TCEA3: variants seen among roughly 807,000 people sequenced by gnomAD.
TCEA3 encodes the protein transcription elongation factor A3.
In TCEA3, 36 loss-of-function variants were observed where a neutral mutation model predicts 44.0. The ratio of observed to expected loss-of-function variants is 0.82; its 90% CI spans 0.63 to 1.08. The LOEUF is 1.08. TCEA3 is among the 50% of genes least tolerant of loss of function. The pLI, the probability that TCEA3 is intolerant of heterozygous loss-of-function variation, is 0.00. For missense variants in TCEA3, 392 were observed against 441.2 expected, an observed-to-expected ratio of 0.89 and a Z score of 1.00; for synonymous variants, 162 against 159.7, an observed-to-expected ratio of 1.01 and a Z score of -0.11.
intron 4 of TCEA3, among the ~76,000 whole-genome samples, chr1:23,409,168 G>A (rs1639639602): frequency 6.6e-6 from 1 of 152,140 alleles, no homozygotes; most frequent in Non-Finnish European, 1.5e-5. Flanking sequence ...AGGAGGAGGA[G>A]AGGAGAAACA....
chr1:23,414,753 A>G (rs1365987344), intron 4 of TCEA3, among the ~76,000 whole-genome samples: 1 of 152,224 alleles, frequency 6.6e-6, no homozygotes, highest in Non-Finnish European at 1.5e-5. Context: ...GCAAGTAATT[A>G]TCTGTATTAT....
Position 23,387,344 on chromosome 1 carries a change from T to A in TCEA3, c.895A>T (p.Lys299Ter). The A allele has an allele frequency of 6.2e-7, 1 of 1,613,820 alleles. No individual in the cohort carries two copies. Among genetic ancestry groups the A allele is most frequent in the African/African-American group, 1.3e-5 (1 of 75,052 alleles). Residue 299 changes from lysine (K) to a stop codon, truncating the protein, a stop_gained, in exon 9 of 11, where the codon AAG (lysine) becomes TAG (stop). Transcript: ENST00000450454. LOFTEE classifies it high-confidence loss of function. ...AGGTCAGTGGTGGTGCCGCCAGTCT[T>A]GGCCATCTGGTGCTCACGGATGGCC... ...QEAIREHQMA[K>*]TGGTTTDLFQ...
At chr1:23,382,661 C>T (rs1638699577) in intron 10 of TCEA3, among the ~76,000 whole-genome samples, 1 of 152,200 alleles carries the variant, frequency 6.6e-6, no homozygotes, top group African/African-American at 2.4e-5. Flanking sequence ...CTCAGAGGCT[C>T]TGTTAATGCT....
chr1:23,383,207 G>A (rs925301847), intron 10 of TCEA3, among the ~76,000 whole-genome samples: 1 of 151,914 alleles, frequency 6.6e-6, no homozygotes, highest in South Asian at 2.1e-4. Flanking sequence ...GTGAACCTGG[G>A]GGGTGGAGCT....
At chr1:23,412,357 G>A (rs9660667) in intron 4 of TCEA3, among the ~76,000 whole-genome samples, 5,694 of 147,136 alleles carry the variant, frequency 0.039, 308 homozygotes, top group East Asian at 0.23. Flanking sequence ...CTGTGATTGC[G>A]CCACTGCACT....
rs146379709 is a variant in TCEA3, at chr1:23,390,905, G to A, written c.819+2974C>T. On this transcript the variant is annotated intron_variant, in intron 8 of 10. Coordinates refer to ENST00000450454, the MANE Select transcript of TCEA3 (RefSeq NM_003196.3). ...CAGGATGCTATGTCCACTCAGCAGCGCTCATGGGTATCTCAGAGCCTACTC... is the reference window on the plus strand; with the variant it reads ...CAGGATGCTATGTCCACTCAGCAGCACTCATGGGTATCTCAGAGCCTACTC... Among the ~76,000 whole-genome samples, 13 of 152,146 alleles carry A rather than the reference G, an allele frequency of 8.5e-5. No homozygotes were observed. The East Asian group carries it at 1.5e-3, about 18-fold the overall frequency.
intron 4 of TCEA3, among the ~76,000 whole-genome samples, chr1:23,416,808 T>C (rs1442948091): frequency 2.0e-5 from 3 of 152,196 alleles, no homozygotes; most frequent in Non-Finnish European, 4.4e-5. Flanking sequence ...ATCTTATAAG[T>C]GGCTATTGCC....
chr1:23,398,754 T>C (rs1385528671), intron 5 of TCEA3, among the ~76,000 whole-genome samples: 5 of 152,034 alleles, frequency 3.3e-5, no homozygotes, highest in African/African-American at 9.7e-5. Flanking sequence ...TCTATGCTCT[T>C]TTTATTAATT....
At chr1:23,390,799 C>T (rs567731014) in intron 8 of TCEA3, among the ~76,000 whole-genome samples, 2 of 152,098 alleles carry the variant, frequency 1.3e-5, no homozygotes, top group South Asian at 2.1e-4. Context: ...CAATTCTATC[C>T]CTATTTGTTG....
chr1:23,383,010 C>T (rs112406308), intron 10 of TCEA3, among the ~76,000 whole-genome samples: 7,079 of 152,252 alleles, frequency 0.046, 437 homozygotes, highest in African/African-American at 0.14. Flanking sequence ...CCGGGCGCGG[C>T]GGCTCACGCC....
At chr1:23,394,389 G>C (rs1467228727) in intron 7 of TCEA3, among the ~76,000 whole-genome samples, 7 of 152,126 alleles carry the variant, frequency 4.6e-5, no homozygotes, top group Admixed American at 4.6e-4. Flanking sequence ...AGGATTCTGT[G>C]AGCTAAGCCA....
At chr1:23,404,108 G>T in intron 5 of TCEA3, 1 of 702,366 alleles carries the variant, frequency 1.4e-6, no homozygotes. Context: ...CGGGCCCGCT[G>T]CTTCTGTGCG....
chr1:23,388,955 T>C (rs1410332337), intron 8 of TCEA3, among the ~76,000 whole-genome samples: 1 of 152,160 alleles, frequency 6.6e-6, no homozygotes, highest in African/African-American at 2.4e-5. Context: ...AGTGCCGGGA[T>C]TACAGGCATG....
At chr1:23,408,032 G>A (rs1479785433) in intron 5 of TCEA3, among the ~76,000 whole-genome samples, 2 of 152,024 alleles carry the variant, frequency 1.3e-5, no homozygotes, top group Non-Finnish European at 2.9e-5. Flanking sequence ...CGCGATCTCG[G>A]CTCACTGCAA....
intron 10 of TCEA3, among the ~76,000 whole-genome samples, chr1:23,382,842 A>G (rs1383593373): frequency 6.6e-6 from 1 of 152,206 alleles, no homozygotes; most frequent in African/African-American, 2.4e-5. Flanking sequence ...CATGCTCTAA[A>G]CCAGTAGGCC....
chr1:23,400,544 A>G (rs1639369416), intron 5 of TCEA3, among the ~76,000 whole-genome samples: 1 of 152,026 alleles, frequency 6.6e-6, no homozygotes. Flanking sequence ...CCTCCCTCCC[A>G]AGATGTTTTT....
intron 1 of TCEA3, among the ~76,000 whole-genome samples, chr1:23,423,444 T>A (rs1640123330): frequency 1.3e-5 from 2 of 152,222 alleles, no homozygotes; most frequent in Non-Finnish European, 2.9e-5. Context: ...CACCAACTCA[T>A]GACTGCCCAG....
At chr1:23,419,301 T>C in intron 1 of TCEA3, 162 bp from the exon 2 acceptor site, 1 of 441,048 alleles carries the variant, frequency 2.3e-6, no homozygotes, top group South Asian at 7.3e-5. Flanking sequence ...CAATCTGTCC[T>C]AGGTGGTGCT....
At chr1:23,402,265 G>A (rs72658723) in intron 5 of TCEA3, among the ~76,000 whole-genome samples, 3 of 152,176 alleles carry the variant, frequency 2.0e-5, no homozygotes, top group Admixed American at 6.5e-5. Flanking sequence ...GCTTGAACCC[G>A]GGAGGTGGAG....
Sources: gnomAD v4.1 joint callset for allele counts (sites outside exome capture counted in the v4.1 genomes callset) on GRCh38, gnomAD v4.1.1 for gene constraint, MANE v1.5 for transcripts, NCBI Gene and HGNC (gene_info 2026-07-23, HGNC 2026-07-21) for gene names.